Variants in PARD3B observed in about 807,000 individuals in gnomAD.
PARD3B encodes partitioning defective 3 homolog B.
PARD3B carries 103 observed loss-of-function variants against 130.2 expected under a neutral mutation model. That is an observed-to-expected ratio of 0.79 (90% CI 0.67 to 0.93). The LOEUF is 0.93. Among genes scored for constraint, PARD3B ranks in the 40% least tolerant of loss-of-function variants. The pLI is 0.00. For missense variants in PARD3B, 1,609 were observed against 1,499.2 expected (o/e 1.07, Z -1.21); for synonymous variants, 583 against 553.2 (o/e 1.05, Z -0.76).
rs1286474067 is a variant in PARD3B, at chr2:205,015,297, C to T, written c.395-32284C>T. Reference sequence around the variant, plus strand: ...GTAGATCAATATAAAGGTCTTCATCCTCATCATCTGCCTGTTGAGTAGATG... The same window carrying T: ...GTAGATCAATATAAAGGTCTTCATCTTCATCATCTGCCTGTTGAGTAGATG... On this transcript the variant is annotated intron_variant, in intron 3 of 22. Coordinates refer to ENST00000406610, the MANE Select transcript of PARD3B (RefSeq NM_001302769.2). This position sits in a 1 kb window ranked among gnomAD's most constrained non-coding sequence, Gnocchi z 4.5. 1.3e-5 allele frequency among the ~76,000 whole-genome samples: 2 copies of T among 152,064 alleles called. No individual in the cohort carries two copies. Among genetic ancestry groups the T allele is most frequent in the East Asian group, 1.9e-4 (1 of 5,182 alleles).
At chr2:205,193,538 A>C (rs2036508209) in intron 15 of PARD3B, among the ~76,000 whole-genome samples, 1 of 152,196 alleles carries the variant, frequency 6.6e-6, no homozygotes, top group Non-Finnish European at 1.5e-5. Flanking sequence ...TATTTTTACA[A>C]AGTGATCTAT....
intron 2 of PARD3B, among the ~76,000 whole-genome samples, chr2:204,784,658 C>A (rs560800075): frequency 6.6e-6 from 1 of 152,116 alleles, no homozygotes; most frequent in Non-Finnish European, 1.5e-5. Flanking sequence ...TTGTTGGAAC[C>A]AAACTACCAA....
chr2:205,005,778 G>A (rs938308100), intron 3 of PARD3B, among the ~76,000 whole-genome samples: 1 of 152,154 alleles, frequency 6.6e-6, no homozygotes, highest in African/African-American at 2.4e-5. Flanking sequence ...TTTTGATCTT[G>A]TGTGTGTCAA....
At chr2:205,061,563 G>A (rs1169202148) in intron 4 of PARD3B, among the ~76,000 whole-genome samples, 4 of 152,218 alleles carry the variant, frequency 2.6e-5, no homozygotes, top group Non-Finnish European at 4.4e-5. Flanking sequence ...AAATACATAC[G>A]TATGTTGGAT....
chr2:204,651,987 G>A (rs2035494547), intron 1 of PARD3B, among the ~76,000 whole-genome samples: 1 of 152,202 alleles, frequency 6.6e-6, no homozygotes, highest in Non-Finnish European at 1.5e-5. Flanking sequence ...AGGCAGCACA[G>A]AACATCTAGG....
intron 22 of PARD3B, among the ~76,000 whole-genome samples, chr2:205,601,154 G>A (rs564997051): frequency 2.0e-4 from 30 of 152,242 alleles, no homozygotes; most frequent in Admixed American, 9.2e-4. Flanking sequence ...CCACAGCCTC[G>A]CTGGCATCTG....
chr2:204,619,650 C>T (rs2034228408), intron 1 of PARD3B, among the ~76,000 whole-genome samples: 1 of 152,128 alleles, frequency 6.6e-6, no homozygotes, highest in South Asian at 2.1e-4. Context: ...AATATGACTT[C>T]TGGGTGTCCA....
intron 3 of PARD3B, among the ~76,000 whole-genome samples, chr2:204,997,249 T>G (rs1694304809): frequency 6.6e-6 from 1 of 152,218 alleles, no homozygotes; most frequent in South Asian, 2.1e-4. Flanking sequence ...TCCACTTTAA[T>G]TTTAGAACTG....
intron 10 of PARD3B, among the ~76,000 whole-genome samples, chr2:205,143,659 A>G (rs779331714): frequency 2.0e-5 from 3 of 152,200 alleles, no homozygotes; most frequent in Non-Finnish European, 4.4e-5. Flanking sequence ...GAAATAAAAG[A>G]CAATATTCAG....
chr2:205,526,088 T>G (rs1416901199), intron 21 of PARD3B, among the ~76,000 whole-genome samples: 1 of 152,206 alleles, frequency 6.6e-6, no homozygotes, highest in African/African-American at 2.4e-5. Context: ...TAAACTACAT[T>G]GCTCATCCAT....
intron 2 of PARD3B, among the ~76,000 whole-genome samples, chr2:204,708,606 CT>C (rs1393373641): frequency 1.3e-5 from 2 of 152,110 alleles, no homozygotes; most frequent in Non-Finnish European, 2.9e-5. Flanking sequence ...CTTGTAAGAA[CT>C]TTATATATTA....
intron 2 of PARD3B, among the ~76,000 whole-genome samples, chr2:204,891,730 A>T (rs781317003): frequency 4.6e-5 from 7 of 152,152 alleles, no homozygotes; most frequent in Non-Finnish European, 8.8e-5. Flanking sequence ...ACCATTTGCC[A>T]GCTAATATTC....
chr2:204,737,991 T>A (rs1410214796), intron 2 of PARD3B, among the ~76,000 whole-genome samples: 100 of 152,310 alleles, frequency 6.6e-4, no homozygotes, highest in African/African-American at 2.3e-3. Context: ...TAATTCAAAG[T>A]CCAGTCATGT....
At chr2:205,588,462 T>C (rs2054273734) in intron 22 of PARD3B, among the ~76,000 whole-genome samples, 1 of 152,222 alleles carries the variant, frequency 6.6e-6, no homozygotes, top group Admixed American at 6.5e-5. Context: ...ACATGAGTGA[T>C]TGGAGTTTTT....
At chr2:205,579,885 A>G (rs949077765) in intron 22 of PARD3B, among the ~76,000 whole-genome samples, 1 of 152,192 alleles carries the variant, frequency 6.6e-6, no homozygotes, top group African/African-American at 2.4e-5. Flanking sequence ...CTTATATAGC[A>G]GTTTTATTCC....
chr2:205,179,606 A>G (rs1281550330), intron 13 of PARD3B, among the ~76,000 whole-genome samples: 1 of 152,228 alleles, frequency 6.6e-6, no homozygotes, highest in African/African-American at 2.4e-5. Context: ...AATAGGCTAT[A>G]CCACAGAGCT....
intron 10 of PARD3B, among the ~76,000 whole-genome samples, chr2:205,156,500 A>G (rs1261706326): frequency 6.6e-6 from 1 of 152,000 alleles, no homozygotes; most frequent in Non-Finnish European, 1.5e-5. Context: ...GTCAAACATG[A>G]AAATGCAGCA....
At chr2:204,764,093 T>C (rs72932199) in intron 2 of PARD3B, among the ~76,000 whole-genome samples, 162 of 152,280 alleles carry the variant, frequency 1.1e-3, no homozygotes, top group Non-Finnish European at 1.8e-3. Flanking sequence ...AGCAAGAGTT[T>C]AATGAGTGAA....
At chr2:205,516,246 T>C (rs530314832) in intron 21 of PARD3B, among the ~76,000 whole-genome samples, 2 of 152,308 alleles carry the variant, frequency 1.3e-5, no homozygotes, top group South Asian at 4.1e-4. Context: ...CCTGCTTTGT[T>C]ATTTTTGCTT....
Sources: gnomAD v4.1 joint callset for allele counts (sites outside exome capture counted in the v4.1 genomes callset) on GRCh38, gnomAD v4.1.1 for gene constraint, Gnocchi (gnomAD v3.1) non-coding constraint, MANE v1.5 for transcripts, NCBI Gene and HGNC (gene_info 2026-07-23, HGNC 2026-07-21) for gene names.